SMOC1: variants seen among roughly 807,000 people sequenced by gnomAD.
The protein encoded by SMOC1 is SPARC related modular calcium binding 1.
In SMOC1, 22 loss-of-function variants were observed where a neutral mutation model predicts 56.3. The observed-to-expected ratio is 0.39, with a 90% CI of 0.28 to 0.56. The LOEUF (loss-of-function observed/expected upper bound fraction) is 0.56. SMOC1 is among the 20% of genes least tolerant of loss of function. The probability of loss-of-function intolerance (pLI) is 0.61; values close to 1 mark genes in which losing one functional copy is unlikely to be tolerated. For missense variants in SMOC1, 509 were observed against 565.4 expected, an observed-to-expected ratio of 0.90 and a Z score of 1.01; for synonymous variants, 193 against 215.0, an observed-to-expected ratio of 0.90 and a Z score of 0.89.
Position 69,879,669 on chromosome 14 carries a change from G to C in SMOC1, c.-10G>C. ...CCGCTCGCTGCCGGCTGCCCAGCCT[G>C]GCTGGCACCATGCTGCCCGCGCGCT... On this transcript the variant is annotated 5_prime_UTR_variant, in exon 1 of 12. Coordinates refer to ENST00000361956, the MANE Select transcript of SMOC1 (RefSeq NM_001034852.3). 2.6e-6 allele frequency: 4 copies of C among 1,533,522 alleles called. No homozygotes were observed. The highest frequency in any genetic ancestry group is 3.5e-6 in the Non-Finnish European group (4 of 1,150,040). The allele number at this position is 1,533,522 out of a possible 1,614,324, so 95.0% of individuals were successfully genotyped here. A position where few individuals can be genotyped will look rare whatever the true frequency, so the allele number is the denominator to read the frequency against.
intron 3 of SMOC1, among the ~76,000 whole-genome samples, chr14:69,954,624 A>T (rs914222497): frequency 6.6e-6 from 1 of 152,200 alleles, no homozygotes; most frequent in Non-Finnish European, 1.5e-5. Flanking sequence ...ATATGATGCC[A>T]GCTGAGTGAA....
intron 1 of SMOC1, among the ~76,000 whole-genome samples, chr14:69,947,971 A>G (rs1299394883): frequency 1.3e-5 from 2 of 152,204 alleles, no homozygotes; most frequent in Non-Finnish European, 2.9e-5. Flanking sequence ...GTGTCCTGTT[A>G]ACATGCTCCT....
intron 5 of SMOC1, among the ~76,000 whole-genome samples, chr14:69,988,038 T>C (rs1884429742): frequency 6.6e-6 from 1 of 152,220 alleles, no homozygotes; most frequent in South Asian, 2.1e-4. Context: ...AATCACTTAC[T>C]TGCATTGTTA....
chr14:69,947,891 G>C (rs529836895), intron 1 of SMOC1, among the ~76,000 whole-genome samples: 2 of 152,298 alleles, frequency 1.3e-5, no homozygotes, highest in African/African-American at 4.8e-5. Context: ...TGAACTGTGT[G>C]GCTTCGGAGC....
chr14:70,007,605 A>G (rs551802307), intron 7 of SMOC1, among the ~76,000 whole-genome samples: 1 of 152,372 alleles, frequency 6.6e-6, no homozygotes, highest in East Asian at 1.9e-4. Flanking sequence ...CTCCTAGAGC[A>G]AATGGTTAGA....
chr14:69,999,475 A>T (rs1324180468), intron 7 of SMOC1, among the ~76,000 whole-genome samples: 1 of 152,206 alleles, frequency 6.6e-6, no homozygotes, highest in Non-Finnish European at 1.5e-5. Context: ...ACATGACGTG[A>T]TTGGGAGGAA....
At chr14:69,894,436 G>A (rs568023117) in intron 1 of SMOC1, among the ~76,000 whole-genome samples, 4 of 152,306 alleles carry the variant, frequency 2.6e-5, no homozygotes, top group African/African-American at 9.6e-5. Context: ...TGCCATGCTC[G>A]ACTTGGGCCC....
At chr14:69,982,959 G>C (rs567435799) in intron 5 of SMOC1, among the ~76,000 whole-genome samples, 1 of 152,178 alleles carries the variant, frequency 6.6e-6, no homozygotes, top group Non-Finnish European at 1.5e-5. Context: ...CTGGTTCTCC[G>C]AGCCGCCTCC....
intron 11 of SMOC1, among the ~76,000 whole-genome samples, chr14:70,027,167 T>A (rs1163748776): frequency 6.6e-6 from 1 of 152,108 alleles, no homozygotes; most frequent in Non-Finnish European, 1.5e-5. Context: ...TCTAGTCCAT[T>A]TTGCAGTCTA....
At chr14:70,011,656 C>T (rs1449646167) in intron 9 of SMOC1, 89 bp downstream of exon 9, 20 of 1,268,738 alleles carry the variant, frequency 1.6e-5, no homozygotes, top group East Asian at 2.4e-5. Flanking sequence ...TCCTCTTTGT[C>T]TGTTTCCCCA....
intron 1 of SMOC1, among the ~76,000 whole-genome samples, chr14:69,923,969 C>CT (rs1183222666): frequency 6.6e-6 from 1 of 152,192 alleles, no homozygotes; most frequent in Non-Finnish European, 1.5e-5. Flanking sequence ...AGGCAGTTCT[C>CT]TAGAGAGAAG....
At chr14:69,930,300 A>G (rs1318377524) in intron 1 of SMOC1, among the ~76,000 whole-genome samples, 1 of 148,902 alleles carries the variant, frequency 6.7e-6, no homozygotes, top group Non-Finnish European at 1.5e-5. Context: ...TGCCCGTCCC[A>G]GAAGGCCGTC....
intron 3 of SMOC1, among the ~76,000 whole-genome samples, chr14:69,960,501 G>C (rs1408196803): frequency 6.6e-6 from 1 of 151,820 alleles, no homozygotes; most frequent in Non-Finnish European, 1.5e-5. Flanking sequence ...CAGTCATACT[G>C]CCAAAAATTC....
chr14:69,884,971 C>T (rs1477410057), intron 1 of SMOC1, among the ~76,000 whole-genome samples: 1 of 152,036 alleles, frequency 6.6e-6, no homozygotes, highest in Non-Finnish European at 1.5e-5. Flanking sequence ...CTATGAAGAA[C>T]ATCTTAGTAT....
At chr14:69,970,435 T>A (rs1217661945) in intron 3 of SMOC1, among the ~76,000 whole-genome samples, 1 of 152,138 alleles carries the variant, frequency 6.6e-6, no homozygotes, top group East Asian at 1.9e-4. Flanking sequence ...GTTCTGAAAT[T>A]TTATGATTGC....
At chr14:69,964,791 C>T (rs771966386) in intron 3 of SMOC1, among the ~76,000 whole-genome samples, 1 of 152,144 alleles carries the variant, frequency 6.6e-6, no homozygotes, top group Non-Finnish European at 1.5e-5. Context: ...AGCACTGTTA[C>T]ATTCCCATTT....
intron 1 of SMOC1, among the ~76,000 whole-genome samples, chr14:69,911,204 C>T (rs1884547461): frequency 6.6e-6 from 1 of 152,072 alleles, no homozygotes; most frequent in African/African-American, 2.4e-5. Flanking sequence ...TCTCTGTCTA[C>T]CACTGTGTTA....
At chr14:69,915,769 A>G (rs929572439) in intron 1 of SMOC1, among the ~76,000 whole-genome samples, 2 of 152,148 alleles carry the variant, frequency 1.3e-5, no homozygotes, top group Non-Finnish European at 1.5e-5. Flanking sequence ...ACAGTTAATC[A>G]CTGCCTCCAT....
At chr14:69,934,533 G>A (rs1594810356) in intron 1 of SMOC1, among the ~76,000 whole-genome samples, 1 of 152,224 alleles carries the variant, frequency 6.6e-6, no homozygotes, top group Non-Finnish European at 1.5e-5. Context: ...GAACCACAGG[G>A]GAGAAGTGTT....
Sources: allele counts gnomAD v4.1 joint callset (sites outside exome capture counted in the v4.1 genomes callset), GRCh38; gene constraint gnomAD v4.1.1; transcripts MANE v1.5; gene names NCBI Gene and HGNC (gene_info 2026-07-23, HGNC 2026-07-21).